The following MDGA2 variants were observed in gnomAD, a reference collection of about 807,000 sequenced individuals.
MDGA2 encodes the protein MAM domain-containing glycosylphosphatidylinositol anchor protein 2.
In MDGA2, 40 loss-of-function variants were observed where a neutral mutation model predicts 117.8. That is an observed-to-expected ratio of 0.34 (90% CI 0.26 to 0.44). The LOEUF is 0.44. Among genes scored for constraint, MDGA2 ranks in the 20% least tolerant of loss-of-function variants. The pLI, the probability that MDGA2 is intolerant of heterozygous loss-of-function variation, is 1.00. For synonymous variants in MDGA2, 452 were observed against 439.0 expected (o/e 1.03, Z -0.37); for missense variants, 1,123 against 1,250.6 (o/e 0.90, Z 1.54).
At chr14:46,915,020 A>G (rs1883846707) in intron 10 of MDGA2, among the ~76,000 whole-genome samples, 2 of 152,190 alleles carry the variant, frequency 1.3e-5, no homozygotes. Context: ...AAAAATGTAT[A>G]TTGCTTAGGC....
intron 15 of MDGA2, among the ~76,000 whole-genome samples, chr14:46,846,497 T>C (rs1880846183): frequency 6.6e-6 from 1 of 152,126 alleles, no homozygotes; most frequent in Non-Finnish European, 1.5e-5. Flanking sequence ...TATCTCACGG[T>C]ATACCTTTGA....
intron 8 of MDGA2, among the ~76,000 whole-genome samples, chr14:47,034,593 G>A (rs539456652): frequency 6.6e-6 from 1 of 152,190 alleles, no homozygotes; most frequent in South Asian, 2.1e-4. Flanking sequence ...ACATGCAATT[G>A]CCTGAAGTAA....
chr14:47,196,427 C>A (rs1885290210), intron 3 of MDGA2, among the ~76,000 whole-genome samples: 1 of 151,994 alleles, frequency 6.6e-6, no homozygotes, highest in South Asian at 2.1e-4. Flanking sequence ...AGCATTGGAG[C>A]CAGAATTTTA....
intron 15 of MDGA2, among the ~76,000 whole-genome samples, chr14:46,849,307 CCA>C (rs1242419113): frequency 2.0e-5 from 3 of 151,848 alleles, no homozygotes; most frequent in African/African-American, 7.2e-5. Flanking sequence ...CTTTTAATTT[CCA>C]CAGTTTTGCT....
Position 46,996,221 on chromosome 14 carries a change from T to G in MDGA2, c.1820-38578A>C, listed in dbSNP as rs201595779. Among the ~76,000 whole-genome samples the G allele has an allele frequency of 2.6e-5, 4 of 152,292 alleles. No homozygotes were observed. The East Asian group carries it at 5.8e-4, about 22-fold the overall frequency. ...TTCTGCTGATAGGAAATTAAATTCT[T>G]ACATACTTGAATTATCTTTCTAAAT... On this transcript the variant is annotated intron_variant, in intron 8 of 16. Coordinates refer to ENST00000399232, the MANE Select transcript of MDGA2 (RefSeq NM_001113498.3).
chr14:47,259,582 CTT>C (rs1320118474), intron 2 of MDGA2, among the ~76,000 whole-genome samples: 1 of 152,026 alleles, frequency 6.6e-6, no homozygotes, highest in Non-Finnish European at 1.5e-5. Context: ...ACACAGGACA[CTT>C]TTCTCTTGTG....
chr14:47,310,415 A>G (rs1889598567), intron 1 of MDGA2, among the ~76,000 whole-genome samples: 1 of 152,026 alleles, frequency 6.6e-6, no homozygotes, highest in Admixed American at 6.6e-5. Context: ...GTCCCTCACT[A>G]TGTTCTTCCC....
chr14:47,374,812 T>C (rs1245343278), intron 1 of MDGA2, among the ~76,000 whole-genome samples: 1 of 152,084 alleles, frequency 6.6e-6, no homozygotes, highest in Non-Finnish European at 1.5e-5. Context: ...TGGTATGCCT[T>C]CTAAAATTTA....
Position 47,061,234 on chromosome 14 carries a change from A to G in MDGA2, c.1525+15T>C. On this transcript the variant is annotated intron_variant, in intron 7 of 16. Transcript: ENST00000399232. Reference sequence around the variant, plus strand: ...AATGTGAACATCTTTTACATCATAAATATATGCCTCTTACCTGTGCTGCTG... The same window carrying G: ...AATGTGAACATCTTTTACATCATAAGTATATGCCTCTTACCTGTGCTGCTG... 6.3e-7 allele frequency: 1 copy of G among 1,593,664 alleles called. No individual in the cohort carries two copies. The highest frequency in any genetic ancestry group is 8.6e-7 in the Non-Finnish European group (1 of 1,163,516).
At chr14:47,168,551 T>C (rs1883985444) in intron 3 of MDGA2, among the ~76,000 whole-genome samples, 2 of 152,118 alleles carry the variant, frequency 1.3e-5, no homozygotes, top group South Asian at 2.1e-4. Flanking sequence ...GGATAATTGA[T>C]GAAAAGTTAT....
intron 8 of MDGA2, among the ~76,000 whole-genome samples, chr14:47,002,416 A>G (rs1887564260): frequency 6.6e-6 from 1 of 152,098 alleles, no homozygotes; most frequent in Non-Finnish European, 1.5e-5. Flanking sequence ...AAGAAATTCA[A>G]TAACTTATCT....
intron 1 of MDGA2, among the ~76,000 whole-genome samples, chr14:47,665,886 C>A (rs1284310629): frequency 6.9e-6 from 1 of 145,380 alleles, no homozygotes; most frequent in Non-Finnish European, 1.5e-5. Flanking sequence ...CCCTGAGGAG[C>A]GCGGCCCCCT....
At chr14:47,399,242 CACA>C (rs1302694946) in intron 1 of MDGA2, among the ~76,000 whole-genome samples, 1 of 151,926 alleles carries the variant, frequency 6.6e-6, no homozygotes, top group Admixed American at 6.6e-5. Flanking sequence ...ACCACAACAC[CACA>C]ACAAAAGAAA....
At chr14:47,549,740 A>G (rs1393683667) in intron 1 of MDGA2, among the ~76,000 whole-genome samples, 1 of 152,058 alleles carries the variant, frequency 6.6e-6, no homozygotes, top group East Asian at 1.9e-4. Context: ...AAGCAGAGAC[A>G]CCAAAGAGCA....
intron 1 of MDGA2, among the ~76,000 whole-genome samples, chr14:47,529,725 A>G (rs1468963490): frequency 6.6e-6 from 1 of 152,176 alleles, no homozygotes; most frequent in Non-Finnish European, 1.5e-5. Flanking sequence ...CTAGAACTAT[A>G]CCTGGAGAAG....
intron 10 of MDGA2, among the ~76,000 whole-genome samples, chr14:46,910,867 A>G (rs1200681014): frequency 6.6e-6 from 1 of 152,172 alleles, no homozygotes; most frequent in East Asian, 1.9e-4. Context: ...GCTGGAGGCT[A>G]TTGTCCTCAG....
intron 9 of MDGA2, among the ~76,000 whole-genome samples, chr14:46,921,614 G>T (rs1871847862): frequency 7.1e-6 from 1 of 141,780 alleles, no homozygotes; most frequent in African/African-American, 2.6e-5. Flanking sequence ...GCCAGGCCCT[G>T]TCAAAAAAAA....
chr14:46,938,657 G>C (rs1456461248), intron 9 of MDGA2, among the ~76,000 whole-genome samples: 1 of 151,090 alleles, frequency 6.6e-6, no homozygotes, highest in Admixed American at 6.6e-5. Flanking sequence ...CTCAAACATT[G>C]TTGGTGGGAA....
At chr14:46,987,929 G>A (rs886555281) in intron 8 of MDGA2, among the ~76,000 whole-genome samples, 11 of 107,038 alleles carry the variant, frequency 1.0e-4, no homozygotes, top group African/African-American at 3.8e-4. Flanking sequence ...TTCTGGGGTG[G>A]GGGGGGGTGC....
Sources: gnomAD v4.1 joint callset for allele counts (sites outside exome capture counted in the v4.1 genomes callset) on GRCh38, gnomAD v4.1.1 for gene constraint, MANE v1.5 for transcripts, NCBI Gene and HGNC (gene_info 2026-07-23, HGNC 2026-07-21) for gene names.